The following VPS13C variants were observed in gnomAD, a reference collection of about 807,000 sequenced individuals.
The protein encoded by VPS13C is intermembrane lipid transfer protein VPS13C.
Under a neutral mutation model 456.8 loss-of-function variants are expected in VPS13C, and 358 were observed. That is an observed-to-expected ratio of 0.78 (90% CI 0.72 to 0.86). The LOEUF (loss-of-function observed/expected upper bound fraction) is 0.86, where lower values mean the gene tolerates loss of function less well. Among genes scored for constraint, VPS13C ranks in the 40% least tolerant of loss-of-function variants. The probability of loss-of-function intolerance (pLI) is 0.00; values close to 1 mark genes in which losing one functional copy is unlikely to be tolerated. For missense variants in VPS13C, 4,818 were observed against 4,385.4 expected (o/e 1.10, Z -2.79); for synonymous variants, 1,578 against 1,486.7 (o/e 1.06, Z -1.41).
intron 66 of VPS13C, among the ~76,000 whole-genome samples, chr15:61,896,153 T>A (rs747782859): frequency 2.2e-4 from 33 of 152,092 alleles, no homozygotes; most frequent in Admixed American, 3.3e-4. Flanking sequence ...AAAGCAATAA[T>A]AAAAAGTCTT....
chr15:61,922,247 A>G, intron 54 of VPS13C, 150 bp downstream of exon 54: 1 of 1,163,600 alleles, frequency 8.6e-7, no homozygotes, highest in Non-Finnish European at 1.2e-6. Flanking sequence ...ATTATCAAAA[A>G]ACAATACATC....
chr15:62,053,060 T>A (rs900280234), intron 1 of VPS13C, among the ~76,000 whole-genome samples: 2 of 152,248 alleles, frequency 1.3e-5, no homozygotes, highest in Non-Finnish European at 2.9e-5. Context: ...TACTTAAATA[T>A]GTGAACAGGT....
chr15:62,047,027 G>A (rs150521411), intron 1 of VPS13C, among the ~76,000 whole-genome samples: 3 of 151,636 alleles, frequency 2.0e-5, no homozygotes, highest in Non-Finnish European at 4.4e-5. Context: ...GGAAAATGGG[G>A]AAATAAAACA....
chr15:61,997,464 T>G (rs2046427116), intron 16 of VPS13C, among the ~76,000 whole-genome samples: 1 of 152,126 alleles, frequency 6.6e-6, no homozygotes, highest in African/African-American at 2.4e-5. Flanking sequence ...CACAGACTCC[T>G]CTTCTGAACT....
chr15:61,936,402 G>A (rs2044226665), intron 48 of VPS13C, among the ~76,000 whole-genome samples, 195 bp downstream of exon 48: 1 of 152,144 alleles, frequency 6.6e-6, no homozygotes, highest in African/African-American at 2.4e-5. Flanking sequence ...CAAGCACCAT[G>A]CCAACAACAA....
intron 47 of VPS13C, among the ~76,000 whole-genome samples, chr15:61,938,265 G>C (rs75578770): frequency 0.13 from 13,447 of 103,928 alleles, 829 homozygotes; most frequent in East Asian, 0.41. Flanking sequence ...TCACTTTGCT[G>C]TGGGGTGGGG....
chr15:62,059,120 A>C (rs896160121), intron 1 of VPS13C, among the ~76,000 whole-genome samples: 1 of 152,232 alleles, frequency 6.6e-6, no homozygotes, highest in Non-Finnish European at 1.5e-5. Context: ...ATATATTCAA[A>C]TATTATTTCA....
intron 52 of VPS13C, 72 bp downstream of exon 52, chr15:61,927,019 A>T (rs1173830681): frequency 2.8e-5 from 38 of 1,346,814 alleles, no homozygotes; most frequent in Non-Finnish European, 3.8e-5. Context: ...GAGCTCTCAT[A>T]TTCTAGGATT....
chr15:62,037,302 A>ATAT (rs2048065772), intron 3 of VPS13C, among the ~76,000 whole-genome samples: 2 of 66,848 alleles, frequency 3.0e-5, no homozygotes, highest in African/African-American at 1.5e-4. Context: ...ATTATATAAT[A>ATAT]TATATATAAA....
At chr15:61,913,459 C>T in intron 61 of VPS13C, 44 bp from the exon 62 acceptor site, 1 of 1,512,134 alleles carries the variant, frequency 6.6e-7, no homozygotes, top group South Asian at 1.2e-5. Flanking sequence ...ATCTAAAACA[C>T]TATAATAATT....
chr15:61,921,567 T>C (rs150074626), intron 55 of VPS13C, among the ~76,000 whole-genome samples: 1 of 152,124 alleles, frequency 6.6e-6, no homozygotes, highest in East Asian at 1.9e-4. Context: ...AAATTAAAAA[T>C]TCATTTAAAA....
Position 61,977,145 on chromosome 15 carries a change from TG to T in VPS13C, c.2344del (p.Gln782AsnfsTer14). ...FQHPSTMHIL[Q>X]PMDIHVELAK... ...CAACTCAACATGAATATCCATGGGT[TG>T]CAATATATGCATAGTTGATGGATGC... On this transcript the variant is annotated frameshift_variant, in exon 24 of 85. Transcript: ENST00000644861. LOFTEE classifies it high-confidence loss of function. The T allele has an allele frequency of 6.3e-7, 1 of 1,598,552 alleles. No individual in the cohort carries two copies.
At chr15:61,919,828 TTA>T (rs1382433771) in intron 57 of VPS13C, among the ~76,000 whole-genome samples, 1 of 147,704 alleles carries the variant, frequency 6.8e-6, no homozygotes, top group Non-Finnish European at 1.5e-5. Flanking sequence ...TTTATATATA[TTA>T]TATAATATAT....
At position 62,031,064 on chromosome 15, in the gene VPS13C, T is replaced by C. The variant is rs548571248; in HGVS notation, c.385+2377A>G. The stretch of plus-strand genomic sequence containing the variant: ...GAAAAATAAACTCACTCCAATGAAA[T>C]AAAAGGAGAAAAACATCAAAGAGTT... On this transcript the variant is annotated intron_variant, in intron 5 of 84. Coordinates refer to ENST00000644861, the MANE Select transcript of VPS13C (RefSeq NM_020821.3). Among the ~76,000 whole-genome samples, 28 of 152,130 alleles carry C rather than the reference T, an allele frequency of 1.8e-4. No homozygotes were observed. The East Asian group carries it at 4.3e-3, about 23-fold the overall frequency.
chr15:61,924,433 G>GT (rs985766354), intron 53 of VPS13C, among the ~76,000 whole-genome samples: 1 of 152,162 alleles, frequency 6.6e-6, no homozygotes, highest in South Asian at 2.1e-4. Context: ...ATGTCATTAA[G>GT]TTTTTTGACA....
At position 61,919,434 on chromosome 15, in the gene VPS13C, G is replaced by A. The variant is rs1205431534; in HGVS notation, c.7493C>T (p.Thr2498Ile). ...FTLTIVPHGYTEVANIPVARP... is the reference protein window; with the variant it reads ...FTLTIVPHGYIEVANIPVARP... ...GGCCACAGGGATATTTGCAACTTCT[G>A]TATATCCATGAGGTACTAAGGCAGT... The change falls in exon 58 of 85, where the codon ACA (threonine) becomes ATA (isoleucine). Residue 2498 changes from threonine to isoleucine, a missense_variant. Thr to Ile is a moderately conservative substitution (Grantham distance 89). Around this residue, in one of 3 missense-constraint regions of VPS13C, gnomAD observed 4,552 missense variants for 4,130.6 expected, o/e 1.10. Coordinates refer to ENST00000644861, the MANE Select transcript of VPS13C (RefSeq NM_020821.3). The A allele has an allele frequency of 6.3e-7, 1 of 1,585,160 alleles. No homozygotes were observed. The highest frequency in any genetic ancestry group is 8.6e-7 in the Non-Finnish European group (1 of 1,169,198).
chr15:62,040,439 G>A (rs1256507508), intron 3 of VPS13C, among the ~76,000 whole-genome samples: 2 of 152,056 alleles, frequency 1.3e-5, no homozygotes, highest in African/African-American at 4.8e-5. Context: ...CACACTGCAT[G>A]CCTGTATCAA....
At chr15:61,888,058 A>G (rs911643114) in intron 67 of VPS13C, among the ~76,000 whole-genome samples, 2 of 152,202 alleles carry the variant, frequency 1.3e-5, no homozygotes, top group African/African-American at 4.8e-5. Flanking sequence ...TGGCTCAGGA[A>G]AGAAGACATA....
chr15:62,046,927 G>A (rs573443577), intron 1 of VPS13C, among the ~76,000 whole-genome samples: 1 of 152,176 alleles, frequency 6.6e-6, no homozygotes, highest in South Asian at 2.1e-4. Context: ...TAGAATTAAA[G>A]ATAGCTTTTT....
Sources: gnomAD v4.1 joint callset for allele counts (sites outside exome capture counted in the v4.1 genomes callset) on GRCh38, gnomAD v4.1.1 for gene constraint, gnomAD v4.1.1 regional missense constraint, MANE v1.5 for transcripts, NCBI Gene and HGNC (gene_info 2026-07-23, HGNC 2026-07-21) for gene names.